Variants in SLC15A2 observed in about 807,000 individuals in gnomAD.
The protein encoded by SLC15A2 is solute carrier family 15 member 2.
Under a neutral mutation model 95.5 loss-of-function variants are expected in SLC15A2, and 77 were observed. That is an observed-to-expected ratio of 0.81 (90% CI 0.67 to 0.97). SLC15A2 has a LOEUF of 0.97. Ranked by LOEUF, SLC15A2 falls within the 50% of genes least tolerant of loss-of-function variation. The pLI is 0.00. For missense variants in SLC15A2, 893 were observed against 874.4 expected (o/e 1.02, Z -0.27); for synonymous variants, 306 against 306.9 (o/e 1.00, Z 0.03).
chr3:121,939,644 T>A, intron 20 of SLC15A2, 149 bp downstream of exon 20: 2 of 528,082 alleles, frequency 3.8e-6, no homozygotes, highest in Non-Finnish European at 6.3e-6. Flanking sequence ...CTGAACATCT[T>A]AACTCCCCAG....
At chr3:121,899,341 T>G (rs368089013) in intron 3 of SLC15A2, among the ~76,000 whole-genome samples, 70 of 152,282 alleles carry the variant, frequency 4.6e-4, no homozygotes, top group African/African-American at 1.7e-3. Context: ...TTTTTATGTA[T>G]GTATCACCAT....
chr3:121,897,935 G>A (rs996492771), intron 3 of SLC15A2, among the ~76,000 whole-genome samples: 5 of 152,176 alleles, frequency 3.3e-5, no homozygotes, highest in Non-Finnish European at 7.3e-5. Context: ...GCCGAGGCGG[G>A]CAGATTGCCT....
intron 20 of SLC15A2, among the ~76,000 whole-genome samples, chr3:121,940,009 T>C (rs1247708917): frequency 8.5e-5 from 13 of 152,126 alleles, no homozygotes; most frequent in Admixed American, 6.5e-4. Flanking sequence ...TTTCACCATG[T>C]TGGCCAGGCT....
Position 121,941,367 on chromosome 3 carries a change from T to G in SLC15A2, c.*360T>G, listed in dbSNP as rs1710461493. 1 of 168,628 alleles carries G rather than the reference T, an allele frequency of 5.9e-6. No individual in the cohort carries two copies. The highest frequency in any genetic ancestry group is 1.3e-5 in the Non-Finnish European group (1 of 79,342). The allele number at this position is 168,628 out of a possible 1,614,324, so 10.4% of individuals were successfully genotyped here. ...TGCCATTTAGGACTGATGGCCCTAA[T>G]TTTTGAGGTGCTGATTTAGAGGCAA... On this transcript the variant is annotated 3_prime_UTR_variant, in exon 22 of 22. Transcript: ENST00000489711.
chr3:121,915,189 G>GGAC, intron 5 of SLC15A2, 38 bp from the exon 6 acceptor site: 1 of 1,480,156 alleles, frequency 6.8e-7, no homozygotes, highest in Non-Finnish European at 9.4e-7. Flanking sequence ...TGGAGCTAGG[G>GGAC]GACACATTGC....
chr3:121,925,239 C>T (rs772053570), intron 13 of SLC15A2, among the ~76,000 whole-genome samples: 5 of 142,634 alleles, frequency 3.5e-5, no homozygotes, highest in Non-Finnish European at 6.2e-5. Context: ...AAAGCCATTA[C>T]TGTGGACTTA....
Position 121,922,366 on chromosome 3 carries a change from A to G in SLC15A2, c.780+64A>G. 14 of 1,313,898 alleles carry G rather than the reference A, an allele frequency of 1.1e-5. No individual in the cohort carries two copies. In the South Asian group the frequency reaches 1.6e-4, roughly 15 times the overall value. 81.4% of individuals were successfully genotyped at this position (1,313,898 alleles called of 1,614,324 possible). Reference sequence around the variant, plus strand: ...AAGAAAGAGATGCTATGCTGAGAATATGGGCCTTCAAACGTGGGCATACAT... The same window carrying G: ...AAGAAAGAGATGCTATGCTGAGAATGTGGGCCTTCAAACGTGGGCATACAT... On this transcript the variant is annotated intron_variant, in intron 8 of 21. Transcript: ENST00000489711.
intron 3 of SLC15A2, among the ~76,000 whole-genome samples, chr3:121,899,249 A>G (rs186441249): frequency 1.1e-3 from 164 of 152,262 alleles, no homozygotes; most frequent in Non-Finnish European, 1.9e-3. Flanking sequence ...TGTATTTATT[A>G]TTGTTTTTAA....
intron 13 of SLC15A2, among the ~76,000 whole-genome samples, chr3:121,925,725 ACTATATATATATAT>A (rs1223692074): frequency 1.6e-4 from 9 of 56,318 alleles, no homozygotes; most frequent in Non-Finnish European, 1.6e-4. Context: ...AAGGGGCTAG[ACTATATATATATAT>A]ATATATATAT....
rs1001146764 is a variant in SLC15A2, at chr3:121,942,827, C to T, written c.*1820C>T. ...ACTCTGAGATATCCTGCAGTAAAGACACAAGATACCTTGTTTAAATTAACA... is the reference window on the plus strand; with the variant it reads ...ACTCTGAGATATCCTGCAGTAAAGATACAAGATACCTTGTTTAAATTAACA... On this transcript the variant is annotated 3_prime_UTR_variant, in exon 22 of 22. Transcript: ENST00000489711. 2.0e-5 allele frequency: 3 copies of T among 152,210 alleles called. No homozygotes were observed. Among genetic ancestry groups the T allele is most frequent in the African/African-American group, 7.2e-5 (3 of 41,462 alleles). The allele number at this position is 152,210 out of a possible 1,614,324, so 9.4% of individuals were successfully genotyped here.
chr3:121,915,727 A>G (rs769145509), intron 7 of SLC15A2, 34 bp downstream of exon 7: 5 of 1,450,638 alleles, frequency 3.4e-6, no homozygotes, highest in African/African-American at 1.4e-5. Flanking sequence ...ACTAATAATC[A>G]TTGATACCTG....
Position 121,896,512 on chromosome 3 carries a change from G to T in SLC15A2, c.193+19G>T. On this transcript the variant is annotated intron_variant, in intron 2 of 21. Transcript: ENST00000489711. ...ATGAAAGGTAATTTTGTGTCCAAGA[G>T]TCCTACCTACTCTCCTCCACCCACC... 1 of 1,592,038 alleles carries T rather than the reference G, an allele frequency of 6.3e-7. No individual in the cohort carries two copies. The highest frequency in any genetic ancestry group is 2.2e-5 in the East Asian group (1 of 44,736).
At chr3:121,934,567 C>T (rs1390484471) in intron 19 of SLC15A2, among the ~76,000 whole-genome samples, 5 of 150,606 alleles carry the variant, frequency 3.3e-5, no homozygotes, top group Non-Finnish European at 3.0e-5. Flanking sequence ...CTCTGTTTGT[C>T]TGTTATTGGT....
At chr3:121,906,897 G>A (rs529003832) in intron 3 of SLC15A2, among the ~76,000 whole-genome samples, 1 of 152,176 alleles carries the variant, frequency 6.6e-6, no homozygotes, top group African/African-American at 2.4e-5. Context: ...ATGTTGGCCT[G>A]CCTTGCTAGG....
intron 3 of SLC15A2, among the ~76,000 whole-genome samples, chr3:121,902,073 C>T (rs1709531284): frequency 6.6e-6 from 1 of 152,126 alleles, no homozygotes; most frequent in Non-Finnish European, 1.5e-5. Context: ...TTAAGGAACT[C>T]CCTATGCCAG....
chr3:121,906,102 A>G (rs912395852), intron 3 of SLC15A2, among the ~76,000 whole-genome samples: 3 of 152,176 alleles, frequency 2.0e-5, no homozygotes, highest in African/African-American at 7.2e-5. Context: ...CCATTATGTA[A>G]TGGCCTTCCT....
chr3:121,924,880 G>T, intron 12 of SLC15A2, 65 bp from the exon 13 acceptor site: 1 of 1,121,028 alleles, frequency 8.9e-7, no homozygotes, highest in Non-Finnish European at 1.4e-6. Context: ...AAGCAAATGA[G>T]TGCAGTGCTC....
At chr3:121,936,647 C>A (rs922214187) in intron 19 of SLC15A2, among the ~76,000 whole-genome samples, 2 of 151,448 alleles carry the variant, frequency 1.3e-5, no homozygotes, top group Non-Finnish European at 2.9e-5. Context: ...TTATTTTGAG[C>A]CTATGTGTGT....
At chr3:121,939,899 C>T (rs192524789) in intron 20 of SLC15A2, among the ~76,000 whole-genome samples, 85 of 152,100 alleles carry the variant, frequency 5.6e-4, no homozygotes, top group Non-Finnish European at 9.9e-4. Flanking sequence ...TCTGCCTCCC[C>T]GGCTCAAGCG....
Sources: gnomAD v4.1 joint callset for allele counts (sites outside exome capture counted in the v4.1 genomes callset) on GRCh38, gnomAD v4.1.1 for gene constraint, MANE v1.5 for transcripts, NCBI Gene and HGNC (gene_info 2026-07-23, HGNC 2026-07-21) for gene names.